IFT80: variants seen among roughly 807,000 people sequenced by gnomAD.
The protein encoded by IFT80 is intraflagellar transport 80.
A neutral mutation model predicts 107.9 loss-of-function variants in IFT80; 79 were observed. The observed-to-expected ratio is 0.73, with a 90% CI of 0.61 to 0.88. The LOEUF is 0.88. Ranked by LOEUF, IFT80 falls within the 40% of genes least tolerant of loss-of-function variation. The probability of loss-of-function intolerance (pLI) is 0.00; values close to 1 mark genes in which losing one functional copy is unlikely to be tolerated. For synonymous variants in IFT80, 299 were observed against 300.9 expected (o/e 0.99, Z 0.07); for missense variants, 797 against 914.2 (o/e 0.87, Z 1.65).
intron 5 of IFT80, among the ~76,000 whole-genome samples, chr3:160,369,830 C>T (rs932886207): frequency 1.3e-4 from 19 of 151,826 alleles, no homozygotes; most frequent in African/African-American, 4.1e-4. Context: ...TAGTTTTTTA[C>T]TTTTTATATT....
intron 8 of IFT80, among the ~76,000 whole-genome samples, chr3:160,322,002 T>TGTTA (rs1240879780): frequency 1.5e-5 from 2 of 135,716 alleles, no homozygotes; most frequent in South Asian, 2.4e-4. Context: ...ATTGTCAGCT[T>TGTTA]GTTATTTATT....
At chr3:160,261,324 A>G (rs1712806134) in intron 19 of IFT80, among the ~76,000 whole-genome samples, 1 of 152,000 alleles carries the variant, frequency 6.6e-6, no homozygotes. Context: ...TTTAGTGCTT[A>G]GTATATATCA....
chr3:160,332,195 A>C (rs1025488955), intron 8 of IFT80, among the ~76,000 whole-genome samples: 6 of 152,166 alleles, frequency 3.9e-5, no homozygotes, highest in Admixed American at 3.9e-4. Context: ...TGAGGTATTT[A>C]AGTTAGGTTT....
At chr3:160,299,024 CT>C in intron 12 of IFT80, 2 of 668,056 alleles carry the variant, frequency 3.0e-6, no homozygotes, top group Non-Finnish European at 3.7e-6. Context: ...TTTATTAAAG[CT>C]TTTATCTAAA....
intron 6 of IFT80, among the ~76,000 whole-genome samples, chr3:160,359,132 C>T (rs141817798): frequency 1.3e-5 from 2 of 152,274 alleles, no homozygotes; most frequent in African/African-American, 4.8e-5. Flanking sequence ...AGAATTGCAG[C>T]TGCTTTAGTC....
chr3:160,369,311 A>G, intron 5 of IFT80, among the ~76,000 whole-genome samples: 1 of 152,106 alleles, frequency 6.6e-6, no homozygotes, highest in Non-Finnish European at 1.5e-5. Context: ...TTATTTATTT[A>G]TGATAAATAA....
rs201146135 is a variant in IFT80 at position 160,285,834 on chromosome 3, C to G, written c.1350G>C (p.Pro450=). The change falls in exon 13 of 20, where the codon CCG becomes CCC. Residue 450 remains proline (P), a synonymous_variant. Coordinates refer to ENST00000326448, the MANE Select transcript of IFT80 (RefSeq NM_020800.3). ...GAGAAAGAAACTTTCCATCACCTAA[C>G]GGCTTTCCGGTTGATGCCTCAAAGA... ...IFLFEASTGK[P]LGDGKFLSHK... 3.7e-6 allele frequency: 6 copies of G among 1,610,104 alleles called. No homozygotes were observed. The Admixed American group carries it at 5.0e-5, about 13-fold the overall frequency.
chr3:160,333,913 T>C (rs1324871618), intron 8 of IFT80, among the ~76,000 whole-genome samples: 3 of 152,194 alleles, frequency 2.0e-5, no homozygotes, highest in African/African-American at 7.2e-5. Context: ...TACTTTTATA[T>C]GGCTGACAGC....
chr3:160,301,693 C>T (rs910577498), intron 11 of IFT80, among the ~76,000 whole-genome samples: 3 of 151,930 alleles, frequency 2.0e-5, no homozygotes, highest in Non-Finnish European at 4.4e-5. Context: ...ACAGGGCTCT[C>T]TGTAGTTAAT....
intron 3 of IFT80, among the ~76,000 whole-genome samples, chr3:160,380,321 T>A (rs965830155): frequency 1.3e-5 from 2 of 152,020 alleles, no homozygotes; most frequent in Admixed American, 1.3e-4. Context: ...TTGACTAAAC[T>A]GATTGACTCA....
intron 2 of IFT80, among the ~76,000 whole-genome samples, chr3:160,382,317 T>A (rs968752475): frequency 5.3e-5 from 8 of 152,320 alleles, no homozygotes; most frequent in Non-Finnish European, 8.8e-5. Flanking sequence ...AAACTTTTTT[T>A]AAATTTTTCA....
intron 2 of IFT80, among the ~76,000 whole-genome samples, chr3:160,383,009 A>G (rs1712642712): frequency 6.6e-6 from 1 of 152,212 alleles, no homozygotes; most frequent in Admixed American, 6.5e-5. Context: ...GCTGTCGCCT[A>G]AACAATGTTA....
At chr3:160,375,975 A>T in intron 4 of IFT80, 95 bp from the exon 5 acceptor site, 4 of 778,180 alleles carry the variant, frequency 5.1e-6, no homozygotes, top group Non-Finnish European at 8.7e-6. Context: ...TATCTACCGC[A>T]TATTCTTTTT....
intron 5 of IFT80, among the ~76,000 whole-genome samples, chr3:160,367,939 A>G (rs1721977318): frequency 6.6e-6 from 1 of 151,960 alleles, no homozygotes; most frequent in Admixed American, 6.6e-5. Context: ...AGGCAGGTGA[A>G]TCAAGGTTAT....
At chr3:160,262,691 A>G (rs1712954759) in intron 19 of IFT80, among the ~76,000 whole-genome samples, 1 of 152,176 alleles carries the variant, frequency 6.6e-6, no homozygotes, top group Non-Finnish European at 1.5e-5. Flanking sequence ...TGTCTCTAGT[A>G]AAGGAGAATT....
intron 8 of IFT80, among the ~76,000 whole-genome samples, chr3:160,323,979 C>G (rs1718478940): frequency 6.6e-6 from 1 of 151,976 alleles, no homozygotes; most frequent in African/African-American, 2.4e-5. Context: ...TACAAACTAC[C>G]ATCAGAGAAT....
chr3:160,301,613 T>A (rs959284895), intron 11 of IFT80, among the ~76,000 whole-genome samples: 1 of 151,988 alleles, frequency 6.6e-6, no homozygotes, highest in Non-Finnish European at 1.5e-5. Context: ...TATGTATTCA[T>A]ATCTAAAAAC....
intron 8 of IFT80, among the ~76,000 whole-genome samples, chr3:160,332,236 G>C (rs1719139100): frequency 6.6e-6 from 1 of 152,178 alleles, no homozygotes; most frequent in Non-Finnish European, 1.5e-5. Context: ...ATTCAGACTG[G>C]AATGGTGGAA....
At position 160,323,458 on chromosome 3, in the gene IFT80, A is replaced by C. The variant is rs1576809319; in HGVS notation, c.778-3519T>G. 2.6e-5 allele frequency among the ~76,000 whole-genome samples: 4 copies of C among 152,244 alleles called. No homozygotes were observed. The East Asian group carries it at 7.7e-4, about 29-fold the overall frequency. On this transcript the variant is annotated intron_variant, in intron 8 of 19. Coordinates refer to ENST00000326448, the MANE Select transcript of IFT80 (RefSeq NM_020800.3). ...ACTGTAGCCTTGTAGTATAGTTTGA[A>C]GTCAGGTAGCATGATGCCTCCAGCT...
Sources: allele counts gnomAD v4.1 joint callset (sites outside exome capture counted in the v4.1 genomes callset), GRCh38; gene constraint gnomAD v4.1.1; transcripts MANE v1.5; gene names NCBI Gene and HGNC (gene_info 2026-07-23, HGNC 2026-07-21).